SOX6: variants seen among roughly 807,000 people sequenced by gnomAD.
SOX6 encodes SRY-box transcription factor 6.
In SOX6, 11 loss-of-function variants were observed where a neutral mutation model predicts 97.8. That is an observed-to-expected ratio of 0.11 (90% confidence interval 0.07 to 0.19). The LOEUF (loss-of-function observed/expected upper bound fraction) is 0.19, where lower values mean the gene tolerates loss of function less well. Ranked by LOEUF, SOX6 falls within the 10% of genes least tolerant of loss-of-function variation. SOX6 has a pLI of 1.00. For missense variants in SOX6, 810 were observed against 1,039.5 expected (o/e 0.78, Z 3.04); for synonymous variants, 360 against 371.4 (o/e 0.97, Z 0.35).
intron 1 of SOX6, among the ~76,000 whole-genome samples, chr11:16,376,139 G>A (rs1478579531): frequency 6.6e-6 from 1 of 151,964 alleles, no homozygotes; most frequent in Non-Finnish European, 1.5e-5. Context: ...TAACAAACCT[G>A]CACATTCTGC....
intron 3 of SOX6, among the ~76,000 whole-genome samples, chr11:16,710,026 C>G (rs1848165629): frequency 6.6e-6 from 1 of 152,110 alleles, no homozygotes; most frequent in African/African-American, 2.4e-5. Flanking sequence ...TTTATGCTTG[C>G]TTTCATTGTT....
chr11:16,359,778 A>G (rs1259866046), upstream of SOX6, among the ~76,000 whole-genome samples: 3 of 152,208 alleles, frequency 2.0e-5, no homozygotes, highest in South Asian at 2.1e-4. Flanking sequence ...GAGAGAAGTT[A>G]TACTAATAAA....
chr11:16,146,517 T>C (rs1850302566), intron 6 of SOX6, among the ~76,000 whole-genome samples: 1 of 152,072 alleles, frequency 6.6e-6, no homozygotes. Context: ...CTAATTAAAC[T>C]AAAGAGCTTC....
At chr11:15,983,497 C>T (rs1453788920) in intron 15 of SOX6, among the ~76,000 whole-genome samples, 1 of 151,954 alleles carries the variant, frequency 6.6e-6, no homozygotes, top group Non-Finnish European at 1.5e-5. Flanking sequence ...TTGATCTGAA[C>T]CCATTCCATC....
intron 4 of SOX6, among the ~76,000 whole-genome samples, chr11:16,197,049 G>A (rs1275741577): frequency 6.6e-6 from 1 of 152,012 alleles, no homozygotes; most frequent in Non-Finnish European, 1.5e-5. Flanking sequence ...TCACAGGCTG[G>A]TCTTGAACTC....
At chr11:16,309,524 A>C (rs540032904) in intron 3 of SOX6, among the ~76,000 whole-genome samples, 1 of 152,338 alleles carries the variant, frequency 6.6e-6, no homozygotes, top group South Asian at 2.1e-4. Flanking sequence ...ATAATGATTA[A>C]CAAAGTTCTG....
chr11:16,416,251 A>C (rs1366254877), intron 1 of SOX6, among the ~76,000 whole-genome samples: 1 of 152,220 alleles, frequency 6.6e-6, no homozygotes, highest in Non-Finnish European at 1.5e-5. Flanking sequence ...CTCCCTGTAG[A>C]CTGAAATGCC....
intron 6 of SOX6, among the ~76,000 whole-genome samples, chr11:16,161,610 T>C (rs998494864): frequency 6.6e-6 from 1 of 152,152 alleles, no homozygotes; most frequent in African/African-American, 2.4e-5. Flanking sequence ...CTGACCTCCT[T>C]TACTAGCGCC....
At chr11:16,425,514 G>C (rs1276748349) in intron 1 of SOX6, among the ~76,000 whole-genome samples, 4 of 152,180 alleles carry the variant, frequency 2.6e-5, no homozygotes, top group Non-Finnish European at 4.4e-5. Context: ...TAGGAAGAGA[G>C]GAAGTCAAAC....
Position 16,049,823 on chromosome 11 carries a change from A to G in SOX6, c.1367T>C (p.Val456Ala). 1.2e-6 allele frequency: 2 copies of G among 1,612,872 alleles called. No individual in the cohort carries two copies. Among genetic ancestry groups the G allele is most frequent in the South Asian group, 2.2e-5 (2 of 91,000 alleles). The stretch of plus-strand genomic sequence containing the variant: ...GATGCTGCTTTTGTTTGGCAGATTG[A>G]CAGGGCTGGTTTTGCTGGCTGGGAA... ...NLFPASKTSP[V>A]NLPNKSSIPS... Residue 456 changes from valine (V) to alanine (A), a missense_variant, in exon 11 of 16, where the codon GTC becomes GCC. Physicochemically the swap from Val to Ala is moderately conservative, Grantham distance 64. Around this residue, in one of 9 missense-constraint regions of SOX6, gnomAD observed 244 missense variants for 261.0 expected, o/e 0.93. Transcript: ENST00000683767.
At chr11:16,261,867 GA>G (rs1337110414) in intron 3 of SOX6, among the ~76,000 whole-genome samples, 1 of 151,944 alleles carries the variant, frequency 6.6e-6, no homozygotes, top group Non-Finnish European at 1.5e-5. Context: ...GTATGCTTTT[GA>G]AAAGGAAAAA....
chr11:16,355,909 C>T (rs569775212), intron 1 of SOX6, among the ~76,000 whole-genome samples, 185 bp downstream of exon 1: 2 of 152,168 alleles, frequency 1.3e-5, no homozygotes, highest in South Asian at 2.1e-4. Context: ...TGTTGCAATT[C>T]CCTAGCAAGA....
chr11:16,398,410 G>A (rs933981312), intron 1 of SOX6, among the ~76,000 whole-genome samples: 2 of 151,408 alleles, frequency 1.3e-5, no homozygotes, highest in Admixed American at 6.6e-5. Flanking sequence ...ATTCCTGGAT[G>A]TGAATAAGCA....
chr11:16,569,135 T>C (rs1424291592), intron 4 of SOX6, among the ~76,000 whole-genome samples: 1 of 152,242 alleles, frequency 6.6e-6, no homozygotes, highest in African/African-American at 2.4e-5. Flanking sequence ...AGGTCTTTGA[T>C]TTTTTAGCAT....
rs1183295353 is a variant in SOX6, at chr11:15,967,213, CA to C, written c.*5595del. On this transcript the variant is annotated 3_prime_UTR_variant, in exon 16 of 16. Coordinates refer to ENST00000683767, the MANE Select transcript of SOX6 (RefSeq NM_001367873.1). Reference sequence around the variant, plus strand: ...ATAGAATTTCTACAAAGAAAATCTGCAGTTAAAATTTGCTCCAGGATGTATT... The same window carrying C: ...ATAGAATTTCTACAAAGAAAATCTGCGTTAAAATTTGCTCCAGGATGTATT... 3 of 152,238 alleles carry C rather than the reference CA, an allele frequency of 2.0e-5. No individual in the cohort carries two copies. Among genetic ancestry groups the C allele is most frequent in the East Asian group, 3.9e-4 (2 of 5,188 alleles). 9.4% of individuals were successfully genotyped at this position (152,238 alleles called of 1,614,324 possible).
chr11:16,019,171 T>C (rs1327576621), intron 12 of SOX6, among the ~76,000 whole-genome samples: 2 of 152,140 alleles, frequency 1.3e-5, no homozygotes, highest in East Asian at 3.9e-4. Flanking sequence ...GACCAGTGTG[T>C]ACCAGGCCTC....
chr11:16,386,367 T>C (rs1857987129), intron 1 of SOX6, among the ~76,000 whole-genome samples: 1 of 151,828 alleles, frequency 6.6e-6, no homozygotes, highest in African/African-American at 2.4e-5. Context: ...AGTAACTGAG[T>C]CATGGCCCTG....
At chr11:16,349,907 C>A (rs1856892424) in intron 1 of SOX6, among the ~76,000 whole-genome samples, 1 of 152,134 alleles carries the variant, frequency 6.6e-6, no homozygotes, top group South Asian at 2.1e-4. Flanking sequence ...TTAACCATTT[C>A]ATTTTTGAAA....
At chr11:16,089,949 C>T (rs1290917124) in intron 9 of SOX6, among the ~76,000 whole-genome samples, 1 of 151,960 alleles carries the variant, frequency 6.6e-6, no homozygotes, top group Non-Finnish European at 1.5e-5. Flanking sequence ...TCTAATGTAC[C>T]CTTAATCACA....
Sources: gnomAD v4.1 joint callset for allele counts (sites outside exome capture counted in the v4.1 genomes callset) on GRCh38, gnomAD v4.1.1 for gene constraint, gnomAD v4.1.1 regional missense constraint, MANE v1.5 for transcripts, NCBI Gene and HGNC (gene_info 2026-07-23, HGNC 2026-07-21) for gene names.